CSMD1: variants seen among roughly 807,000 people sequenced by gnomAD.
CSMD1 encodes CUB and Sushi multiple domains 1.
In CSMD1, 213 loss-of-function variants were observed where a neutral mutation model predicts 417.5. The observed-to-expected ratio is 0.51, with a 90% CI of 0.46 to 0.57. The LOEUF (loss-of-function observed/expected upper bound fraction) is 0.57. CSMD1 is among the 20% of genes least tolerant of loss of function. The pLI, the probability that CSMD1 is intolerant of heterozygous loss-of-function variation, is 0.00. For missense variants in CSMD1, 6,923 were observed against 4,529.7 expected (o/e 1.53, Z -15.17); for synonymous variants, 2,862 against 1,736.8 (o/e 1.65, Z -16.11).
intron 1 of CSMD1, among the ~76,000 whole-genome samples, chr8:4,704,878 C>G (rs1250405755): frequency 1.3e-5 from 2 of 152,120 alleles, no homozygotes; most frequent in East Asian, 1.9e-4. Flanking sequence ...TCCAAAAACC[C>G]TATGGTAAAG....
At chr8:4,149,575 A>C (rs375605072) in intron 3 of CSMD1, among the ~76,000 whole-genome samples, 2 of 152,348 alleles carry the variant, frequency 1.3e-5, no homozygotes, top group East Asian at 1.9e-4. Flanking sequence ...TCAAAATCCG[A>C]ACCAGATTTA....
chr8:4,552,268 T>A (rs1797907378), intron 2 of CSMD1, among the ~76,000 whole-genome samples: 1 of 152,122 alleles, frequency 6.6e-6, no homozygotes, highest in Admixed American at 6.5e-5. Flanking sequence ...TGTTTCTGCT[T>A]CAGAAGGACC....
At chr8:2,940,697 G>A (rs1283697593) in intron 69 of CSMD1, among the ~76,000 whole-genome samples, 2 of 152,162 alleles carry the variant, frequency 1.3e-5, no homozygotes, top group Non-Finnish European at 2.9e-5. Context: ...TGATATTTAT[G>A]TATAAATATG....
chr8:4,966,414 C>G (rs1299403613), intron 1 of CSMD1, among the ~76,000 whole-genome samples: 1 of 151,954 alleles, frequency 6.6e-6, no homozygotes, highest in East Asian at 1.9e-4. Context: ...GAGTTCCAAA[C>G]TATCTCCCGG....
intron 3 of CSMD1, among the ~76,000 whole-genome samples, chr8:4,096,703 A>G (rs1023773163): frequency 6.6e-6 from 1 of 152,252 alleles, no homozygotes; most frequent in Non-Finnish European, 1.5e-5. Context: ...AGCGTCACTC[A>G]CTAATCCATA....
chr8:2,958,920 T>C (rs1174926313), intron 62 of CSMD1, among the ~76,000 whole-genome samples: 1 of 152,238 alleles, frequency 6.6e-6, no homozygotes, highest in Non-Finnish European at 1.5e-5. Flanking sequence ...AAATAGTTGG[T>C]ACACTGAATA....
chr8:4,105,607 G>C (rs1178952676), intron 3 of CSMD1, among the ~76,000 whole-genome samples: 3 of 152,198 alleles, frequency 2.0e-5, no homozygotes, highest in African/African-American at 4.8e-5. Context: ...TACAGCAGAA[G>C]AGGAAACAGG....
chr8:3,762,328 T>C (rs892268534), intron 5 of CSMD1, among the ~76,000 whole-genome samples: 6 of 152,180 alleles, frequency 3.9e-5, no homozygotes, highest in African/African-American at 9.6e-5. Context: ...GGCTCTCCTT[T>C]AAATTTCAGA....
chr8:4,497,006 C>T (rs1312408240), intron 2 of CSMD1, among the ~76,000 whole-genome samples: 1 of 152,082 alleles, frequency 6.6e-6, no homozygotes, highest in Non-Finnish European at 1.5e-5. Flanking sequence ...TGAAAAGAAA[C>T]ACTTACAAAA....
intron 23 of CSMD1, among the ~76,000 whole-genome samples, chr8:3,331,145 G>A (rs902536996): frequency 2.0e-5 from 3 of 151,670 alleles, no homozygotes; most frequent in African/African-American, 7.3e-5. Flanking sequence ...GGCTGAGGCA[G>A]GAGAATGGTG....
At chr8:4,712,135 G>T (rs1423866112) in intron 1 of CSMD1, among the ~76,000 whole-genome samples, 1 of 152,218 alleles carries the variant, frequency 6.6e-6, no homozygotes, top group Non-Finnish European at 1.5e-5. Context: ...CGTGGTTGAA[G>T]CTGGATGGCA....
At chr8:4,569,135 C>T (rs545569230) in intron 2 of CSMD1, among the ~76,000 whole-genome samples, 6 of 152,274 alleles carry the variant, frequency 3.9e-5, no homozygotes, top group South Asian at 4.1e-4. Flanking sequence ...TGTGCAGAAG[C>T]TCTTTATTTC....
chr8:4,459,525 A>G (rs536163493), intron 2 of CSMD1, among the ~76,000 whole-genome samples: 1 of 152,220 alleles, frequency 6.6e-6, no homozygotes, highest in African/African-American at 2.4e-5. Context: ...TGTGAGGATA[A>G]GCAATTTAGA....
chr8:3,268,287 CTATTTT>C (rs563919031), intron 26 of CSMD1, among the ~76,000 whole-genome samples: 6,673 of 113,900 alleles, frequency 0.059, 400 homozygotes, highest in Non-Finnish European at 0.083. Flanking sequence ...GGTTCATTTC[CTATTTT>C]TTTTTTTTTT....
chr8:3,277,253 A>C (rs1268197350), intron 26 of CSMD1, among the ~76,000 whole-genome samples: 1 of 152,134 alleles, frequency 6.6e-6, no homozygotes, highest in Non-Finnish European at 1.5e-5. Context: ...ATGAGAAGTC[A>C]CCCTGGCTGA....
chr8:3,038,052 G>C (rs1230426281), intron 50 of CSMD1, among the ~76,000 whole-genome samples: 2 of 151,962 alleles, frequency 1.3e-5, no homozygotes, highest in African/African-American at 4.8e-5. Context: ...TTATACTATG[G>C]TTATTTTAAA....
chr8:4,532,407 A>G (rs1200353287), intron 2 of CSMD1, among the ~76,000 whole-genome samples: 1 of 145,202 alleles, frequency 6.9e-6, no homozygotes, highest in East Asian at 2.1e-4. Flanking sequence ...CCATTCAGTC[A>G]CTCCGGAAAA....
chr8:3,805,154 T>C lies in CSMD1; in HGVS notation c.819-51112A>G, dbSNP rs527849680. ...CTCAGATTCCACTAGGACAGCAGCA[T>C]CCCATTCAAAGAGACCACAATATTC... On this transcript the variant is annotated intron_variant, in intron 5 of 69. Coordinates refer to ENST00000635120, the MANE Select transcript of CSMD1 (RefSeq NM_033225.6). Among the ~76,000 whole-genome samples the C allele has an allele frequency of 6.4e-4, 97 of 152,158 alleles. 1 individual carries two copies. In the South Asian group the frequency reaches 0.014, roughly 21 times the overall value.
rs941678778 is a variant in CSMD1 at position 3,595,244 on chromosome 8, C to T, written c.1098-8984G>A. ...GAAGACCATTTGCAAGCAAGCCAGC[C>T]ACATGCTAGGGAAACAATGTCCCAT... On this transcript the variant is annotated intron_variant, in intron 8 of 69. Transcript: ENST00000635120. 2.0e-5 allele frequency among the ~76,000 whole-genome samples: 3 copies of T among 152,156 alleles called. No individual in the cohort carries two copies. The South Asian group carries it at 6.2e-4, about 31-fold the overall frequency.
Sources: allele counts gnomAD v4.1 joint callset (sites outside exome capture counted in the v4.1 genomes callset), GRCh38; gene constraint gnomAD v4.1.1; transcripts MANE v1.5; gene names NCBI Gene and HGNC (gene_info 2026-07-23, HGNC 2026-07-21).